CLASP2: variants seen among roughly 807,000 people sequenced by gnomAD.
The protein encoded by CLASP2 is cytoplasmic linker associated protein 2.
CLASP2 carries 47 observed loss-of-function variants against 194.4 expected under a neutral mutation model. The observed-to-expected ratio is 0.24, with a 90% CI of 0.19 to 0.31. The LOEUF (loss-of-function observed/expected upper bound fraction) is 0.31, where lower values mean the gene tolerates loss of function less well. CLASP2 is among the 10% of genes least tolerant of loss of function. The probability of loss-of-function intolerance (pLI) is 1.00; values close to 1 mark genes in which losing one functional copy is unlikely to be tolerated. For missense variants in CLASP2, 1,445 were observed against 1,823.6 expected (o/e 0.79, Z 3.78); for synonymous variants, 619 against 633.5 (o/e 0.98, Z 0.34).
In CLASP2 at chr3:33,501,777, A is replaced by T; in HGVS notation, c.4318-9T>A. ...TCTGAATTATCATAACCCTACGGAG[A>T]GAAGTCCACTGTTAGTACTCCAGAG... On this transcript the variant is annotated splice_polypyrimidine_tract_variant and intron_variant, in intron 37 of 38. Coordinates refer to ENST00000682230, the MANE Select transcript of CLASP2 (RefSeq NM_001365631.1). 6.3e-7 allele frequency: 1 copy of T among 1,582,126 alleles called. No homozygotes were observed. The highest frequency in any genetic ancestry group is 8.7e-7 in the Non-Finnish European group (1 of 1,151,268).
At chr3:33,569,002 A>C (rs1374983805) in intron 26 of CLASP2, among the ~76,000 whole-genome samples, 2 of 152,246 alleles carry the variant, frequency 1.3e-5, no homozygotes, top group East Asian at 3.8e-4. Context: ...CAATGGCCAC[A>C]CAAAAATCAG....
intron 12 of CLASP2, among the ~76,000 whole-genome samples, chr3:33,618,042 G>A (rs533821017): frequency 6.0e-5 from 9 of 150,280 alleles, no homozygotes; most frequent in African/African-American, 2.2e-4. Context: ...TCTGCCTCCC[G>A]GATTCAAGTG....
chr3:33,684,317 G>A, intron 6 of CLASP2, 42 bp downstream of exon 6: 2 of 1,050,136 alleles, frequency 1.9e-6, no homozygotes. Flanking sequence ...TTTAAAACTA[G>A]TGGTGAAAAA....
At chr3:33,551,512 T>A in intron 29 of CLASP2, 117 bp from the exon 30 acceptor site, 1 of 997,970 alleles carries the variant, frequency 1.0e-6, no homozygotes, top group Non-Finnish European at 1.4e-6. Context: ...ACAGATAGGG[T>A]CTTACTATGT....
intron 12 of CLASP2, among the ~76,000 whole-genome samples, chr3:33,616,362 T>C (rs1477391517): frequency 6.6e-6 from 1 of 152,072 alleles, no homozygotes; most frequent in East Asian, 1.9e-4. Flanking sequence ...ATTAACAAAA[T>C]ATGTAAAACA....
At chr3:33,677,652 T>C (rs2088998467) in intron 6 of CLASP2, among the ~76,000 whole-genome samples, 1 of 150,344 alleles carries the variant, frequency 6.7e-6, no homozygotes, top group South Asian at 2.1e-4. Context: ...CATGTATACA[T>C]ATGTAACTAA....
intron 37 of CLASP2, among the ~76,000 whole-genome samples, chr3:33,507,955 A>T (rs2048717586): frequency 6.8e-6 from 1 of 147,214 alleles, no homozygotes; most frequent in Non-Finnish European, 1.5e-5. Context: ...AATGAGGCCA[A>T]ATATATATAT....
At position 33,580,997 on chromosome 3, in the gene CLASP2, CAG is replaced by C. The variant is rs1171620129; in HGVS notation, c.2347+822_2347+823del. 2.0e-4 allele frequency among the ~76,000 whole-genome samples: 23 copies of C among 113,028 alleles called. No individual in the cohort carries two copies. The South Asian group carries it at 6.5e-3, about 32-fold the overall frequency. 74.2% of individuals were successfully genotyped at this position (113,028 alleles called of 152,430 possible). Reference sequence around the variant, plus strand: ...TGCCACTGCACTCCAGTCTGGGTGACAGAGCGAGACTCCGTCTCAAAAAAAAA... The same window carrying C: ...TGCCACTGCACTCCAGTCTGGGTGACAGCGAGACTCCGTCTCAAAAAAAAA... On this transcript the variant is annotated intron_variant, in intron 23 of 38. Coordinates refer to ENST00000682230, the MANE Select transcript of CLASP2 (RefSeq NM_001365631.1).
intron 34 of CLASP2, among the ~76,000 whole-genome samples, chr3:33,519,811 A>T (rs1332060860): frequency 6.6e-6 from 1 of 152,184 alleles, no homozygotes; most frequent in Non-Finnish European, 1.5e-5. Flanking sequence ...TAAATCACAC[A>T]TTAGACTATG....
At chr3:33,556,866 GA>G (rs974563919) in intron 29 of CLASP2, among the ~76,000 whole-genome samples, 1 of 152,092 alleles carries the variant, frequency 6.6e-6, no homozygotes, top group African/African-American at 2.4e-5. Flanking sequence ...TTTCTAATAG[GA>G]AAGTTAATTT....
chr3:33,542,234 A>T (rs12637359), intron 32 of CLASP2, among the ~76,000 whole-genome samples: 5,795 of 151,780 alleles, frequency 0.038, 205 homozygotes, highest in East Asian at 0.13. Flanking sequence ...CACATCTTTT[A>T]TTTTGCATTA....
chr3:33,581,976 A>G (rs757574526), intron 22 of CLASP2, 48 bp from the exon 23 acceptor site: 1 of 1,360,274 alleles, frequency 7.4e-7, no homozygotes, highest in South Asian at 1.2e-5. Context: ...AAAACAGAAC[A>G]GAGTTTGCAT....
chr3:33,606,742 T>C lies in CLASP2; in HGVS notation c.1543A>G (p.Arg515Gly), dbSNP rs1577103889. ...VEARKTYMGL[R>G]NHFPGEAETL... Reference sequence around the variant, plus strand: ...TCAGCTTCACCAGGAAAGTGGTTTCTAAGACCCATGTATGTCCTGTTAAAA... The same window carrying C: ...TCAGCTTCACCAGGAAAGTGGTTTCCAAGACCCATGTATGTCCTGTTAAAA... The change falls in exon 16 of 39, where the codon AGA (arginine) becomes GGA (glycine). Residue 515 changes from arginine (R) to glycine (G), a missense_variant. This residue lies in a region of CLASP2 where 207 missense variants were observed against 331.4 expected (regional missense o/e 0.62). Transcript: ENST00000682230. 5.6e-6 allele frequency: 9 copies of C among 1,611,786 alleles called. No individual in the cohort carries two copies. In the East Asian group the frequency reaches 2.0e-4, roughly 36 times the overall value.
At chr3:33,579,589 A>G (rs936441338) in intron 23 of CLASP2, among the ~76,000 whole-genome samples, 10 of 152,184 alleles carry the variant, frequency 6.6e-5, no homozygotes, top group African/African-American at 2.4e-4. Flanking sequence ...GAAGAGGTAG[A>G]GTGGTAATAG....
At chr3:33,672,514 T>G (rs940862988) in intron 6 of CLASP2, among the ~76,000 whole-genome samples, 3 of 152,124 alleles carry the variant, frequency 2.0e-5, no homozygotes, top group Admixed American at 1.3e-4. Context: ...GCAGAAGAAC[T>G]GGAAACTCTA....
chr3:33,526,073 GCTT>G (rs1361269192), intron 34 of CLASP2, among the ~76,000 whole-genome samples: 30 of 151,786 alleles, frequency 2.0e-4, no homozygotes, highest in Non-Finnish European at 2.9e-4. Flanking sequence ...TGCTGCTGCT[GCTT>G]CTTCTTTTTT....
rs1294620203 is a variant in CLASP2 at position 33,685,955 on chromosome 3, TAA to T, written c.546+1103_546+1104del. Among the ~76,000 whole-genome samples, 3 of 152,186 alleles carry T rather than the reference TAA, an allele frequency of 2.0e-5. No individual in the cohort carries two copies. The East Asian group carries it at 5.8e-4, about 29-fold the overall frequency. On this transcript the variant is annotated intron_variant, in intron 5 of 38. Transcript: ENST00000682230. ...TGTTGCAAAACAATGTGAATGTACG[TAA>T]TGCCACTGAACTTACACTTAAAAAT...
chr3:33,712,690 C>T (rs1412078237), intron 1 of CLASP2, among the ~76,000 whole-genome samples: 1 of 152,036 alleles, frequency 6.6e-6, no homozygotes, highest in Non-Finnish European at 1.5e-5. Context: ...AAGCCGGGCA[C>T]GGTGGTTCAC....
chr3:33,646,854 A>C (rs1240596880), intron 7 of CLASP2, among the ~76,000 whole-genome samples: 1 of 152,188 alleles, frequency 6.6e-6, no homozygotes, highest in Non-Finnish European at 1.5e-5. Flanking sequence ...CGAGACTCCT[A>C]AAAGTCTACA....
Sources: gnomAD v4.1 joint callset for allele counts (sites outside exome capture counted in the v4.1 genomes callset) on GRCh38, gnomAD v4.1.1 for gene constraint, gnomAD v4.1.1 regional missense constraint, MANE v1.5 for transcripts, NCBI Gene and HGNC (gene_info 2026-07-23, HGNC 2026-07-21) for gene names.